DISC1: variants seen among roughly 807,000 people sequenced by gnomAD.
The protein encoded by DISC1 is disrupted in schizophrenia 1 protein.
A neutral mutation model predicts 84.5 loss-of-function variants in DISC1; 57 were observed. That is an observed-to-expected ratio of 0.67 (90% CI 0.55 to 0.84). DISC1 has a LOEUF of 0.84. Among genes scored for constraint, DISC1 ranks in the 40% least tolerant of loss-of-function variants. DISC1 has a pLI of 0.00. For synonymous variants in DISC1, 411 were observed against 415.2 expected, an observed-to-expected ratio of 0.99 and a Z score of 0.12; for missense variants, 1,000 against 1,057.8, an observed-to-expected ratio of 0.95 and a Z score of 0.76.
At chr1:231,636,303 C>T (rs1400345411) in intron 1 of DISC1, among the ~76,000 whole-genome samples, 3 of 152,126 alleles carry the variant, frequency 2.0e-5, no homozygotes, top group South Asian at 2.1e-4. Flanking sequence ...GGTGGACACA[C>T]GCTTTGGGAG....
intron 3 of DISC1, among the ~76,000 whole-genome samples, chr1:231,735,489 C>A (rs2072361903): frequency 6.6e-6 from 1 of 152,148 alleles, no homozygotes; most frequent in Non-Finnish European, 1.5e-5. Context: ...TTTGTATTTC[C>A]AGATATGTCA....
At chr1:231,917,030 T>G (rs1309685808) in intron 9 of DISC1, among the ~76,000 whole-genome samples, 7 of 152,244 alleles carry the variant, frequency 4.6e-5, no homozygotes, top group Non-Finnish European at 1.0e-4. Flanking sequence ...TTGGGCCATC[T>G]ACACCCTCTT....
rs1409531880 is a variant in DISC1 at position 231,694,778 on chromosome 1, C to T, written c.1020C>T (p.Cys340=). Residue 340 remains cysteine, a synonymous_variant, in exon 2 of 13, where the codon TGC becomes TGT. Transcript: ENST00000439617. ...LRKWEPVLRD[C]LLRNRRQMEV... ...AATGGGAGCCAGTGCTGCGGGACTGCCTGCTGAGAAACCGGAGGCAGATGG... is the reference window on the plus strand; with the variant it reads ...AATGGGAGCCAGTGCTGCGGGACTGTCTGCTGAGAAACCGGAGGCAGATGG... 1.2e-6 allele frequency: 2 copies of T among 1,613,884 alleles called. No homozygotes were observed. Among genetic ancestry groups the T allele is most frequent in the Non-Finnish European group, 1.7e-6 (2 of 1,180,032 alleles).
chr1:231,841,575 G>C (rs1398759893), intron 9 of DISC1, among the ~76,000 whole-genome samples: 2 of 152,182 alleles, frequency 1.3e-5, no homozygotes, highest in Non-Finnish European at 2.9e-5. Context: ...ATCAGAGAGG[G>C]AGTTGCCTAC....
chr1:231,932,145 T>C (rs993621643), intron 9 of DISC1, among the ~76,000 whole-genome samples: 3 of 152,220 alleles, frequency 2.0e-5, no homozygotes, highest in Admixed American at 6.5e-5. Context: ...CAGAGAGAAG[T>C]AGCCCTACCA....
intron 10 of DISC1, among the ~76,000 whole-genome samples, chr1:231,980,425 GTGA>G (rs1434234134): frequency 6.6e-6 from 1 of 152,158 alleles, no homozygotes; most frequent in African/African-American, 2.4e-5. Flanking sequence ...GACTCACACT[GTGA>G]TGATATTAAT....
chr1:231,802,121 T>G (rs1352033057), intron 8 of DISC1, among the ~76,000 whole-genome samples: 2 of 152,108 alleles, frequency 1.3e-5, no homozygotes, highest in Non-Finnish European at 2.9e-5. Flanking sequence ...CTTTTGTCTC[T>G]CTTCAAGTTT....
chr1:231,795,099 G>T, intron 6 of DISC1, 143 bp from the exon 7 acceptor site: 1 of 763,390 alleles, frequency 1.3e-6, no homozygotes, highest in Non-Finnish European at 2.3e-6. Context: ...TAGTCAAATG[G>T]AGCCAATTTG....
At chr1:231,941,461 C>G (rs1263882727) in intron 9 of DISC1, among the ~76,000 whole-genome samples, 1 of 149,788 alleles carries the variant, frequency 6.7e-6, no homozygotes, top group Non-Finnish European at 1.5e-5. Flanking sequence ...GGGGTGCTCT[C>G]CCCATGAAAC....
At chr1:231,640,605 T>A (rs2059563071) in intron 1 of DISC1, among the ~76,000 whole-genome samples, 1 of 151,272 alleles carries the variant, frequency 6.6e-6, no homozygotes, top group Non-Finnish European at 1.5e-5. Flanking sequence ...CACAGCTCAC[T>A]GCAGCCTCTA....
chr1:231,894,605 G>C (rs1430534213), intron 9 of DISC1, among the ~76,000 whole-genome samples: 1 of 151,662 alleles, frequency 6.6e-6, no homozygotes, highest in Admixed American at 6.6e-5. Context: ...TTGTTCTGTA[G>C]CTTTACTTTT....
Position 231,662,516 on chromosome 1 carries a change from C to A in DISC1, c.68-31310C>A, listed in dbSNP as rs114724485. Among the ~76,000 whole-genome samples the A allele has an allele frequency of 2.5e-3, 377 of 152,114 alleles. 6 individuals carry two copies. The highest frequency in any genetic ancestry group is 8.7e-3 in the African/African-American group (360 of 41,508). ...TGAATCGGGGTCCCACTTAACGAAG[C>A]AATCTGGCCACAGTGTGGCAAAGCA... is the stretch of plus-strand genomic sequence containing the variant. On this transcript the variant is annotated intron_variant, in intron 1 of 12. Coordinates refer to ENST00000439617, the MANE Select transcript of DISC1 (RefSeq NM_018662.3).
intron 11 of DISC1, among the ~76,000 whole-genome samples, chr1:232,024,827 T>G (rs1669299665): frequency 6.6e-6 from 1 of 151,992 alleles, no homozygotes; most frequent in Non-Finnish European, 1.5e-5. Context: ...CCTGACCTCA[T>G]GATCCACCCG....
intron 9 of DISC1, among the ~76,000 whole-genome samples, chr1:231,879,756 A>G (rs199576158): frequency 8.5e-5 from 13 of 152,116 alleles, no homozygotes; most frequent in Admixed American, 3.3e-4. Flanking sequence ...TGGGTGGTCT[A>G]TGATTGGTTA....
intron 2 of DISC1, among the ~76,000 whole-genome samples, chr1:231,697,156 CT>C (rs1406288090): frequency 2.6e-5 from 4 of 152,154 alleles, no homozygotes; most frequent in African/African-American, 9.7e-5. Context: ...CGGCTGAGGC[CT>C]TCGGGACAGG....
intron 3 of DISC1, among the ~76,000 whole-genome samples, chr1:231,726,421 G>A (rs2070707203): frequency 6.6e-6 from 1 of 152,118 alleles, no homozygotes; most frequent in East Asian, 1.9e-4. Flanking sequence ...AATGAGTGCT[G>A]CCCAAGGTCA....
At chr1:231,801,499 G>A (rs1430732722) in intron 8 of DISC1, among the ~76,000 whole-genome samples, 8 of 152,198 alleles carry the variant, frequency 5.3e-5, no homozygotes, top group Admixed American at 5.2e-4. Context: ...TATGGCGCAG[G>A]TTTCCTGTTT....
chr1:231,691,776 A>T (rs1366511168), intron 1 of DISC1, among the ~76,000 whole-genome samples: 2 of 152,260 alleles, frequency 1.3e-5, no homozygotes, highest in Non-Finnish European at 1.5e-5. Flanking sequence ...AGGGGGTATG[A>T]GTAGTGCGTG....
intron 9 of DISC1, among the ~76,000 whole-genome samples, chr1:231,845,109 G>C (rs1403904466): frequency 1.3e-5 from 2 of 152,134 alleles, no homozygotes; most frequent in East Asian, 3.9e-4. Flanking sequence ...CTGTGTTGAT[G>C]TTAATACCGG....
Sources: gnomAD v4.1 joint callset for allele counts (sites outside exome capture counted in the v4.1 genomes callset) on GRCh38, gnomAD v4.1.1 for gene constraint, MANE v1.5 for transcripts, NCBI Gene and HGNC (gene_info 2026-07-23, HGNC 2026-07-21) for gene names.